SLC35F3: variants seen among roughly 807,000 people sequenced by gnomAD.
SLC35F3 encodes the protein putative thiamine transporter SLC35F3.
In SLC35F3, 25 loss-of-function variants were observed where a neutral mutation model predicts 49.9. That is an observed-to-expected ratio of 0.50 (90% CI 0.37 to 0.70). The LOEUF is 0.70. Ranked by LOEUF, SLC35F3 falls within the 30% of genes least tolerant of loss-of-function variation. The pLI is 0.00. For missense variants in SLC35F3, 525 were observed against 639.8 expected, an observed-to-expected ratio of 0.82 and a Z score of 1.94; for synonymous variants, 275 against 265.4, an observed-to-expected ratio of 1.04 and a Z score of -0.35.
chr1:234,144,123 C>T (rs573450697), intron 2 of SLC35F3, among the ~76,000 whole-genome samples: 10 of 152,240 alleles, frequency 6.6e-5, no homozygotes, highest in Admixed American at 2.0e-4. Flanking sequence ...GATGGCACCA[C>T]GCAGTGTGAA....
chr1:234,317,223 G>A (rs1267965411), intron 5 of SLC35F3, among the ~76,000 whole-genome samples: 2 of 152,152 alleles, frequency 1.3e-5, no homozygotes, highest in Non-Finnish European at 1.5e-5. Context: ...AAAGTACAAC[G>A]GCTGTAATAC....
chr1:233,930,671 G>A (rs1353857761), intron 2 of SLC35F3, among the ~76,000 whole-genome samples: 1 of 152,114 alleles, frequency 6.6e-6, no homozygotes, highest in African/African-American at 2.4e-5. Context: ...GAGTCTTACT[G>A]ATAGCATAAA....
At chr1:234,034,794 A>T (rs532907080) in intron 2 of SLC35F3, among the ~76,000 whole-genome samples, 2 of 152,350 alleles carry the variant, frequency 1.3e-5, no homozygotes, top group Admixed American at 1.3e-4. Flanking sequence ...AAGTGCTGGG[A>T]TTATAGGCAT....
chr1:234,200,666 T>C (rs1490484194), intron 2 of SLC35F3, among the ~76,000 whole-genome samples: 3 of 152,210 alleles, frequency 2.0e-5, no homozygotes, highest in Non-Finnish European at 4.4e-5. Context: ...AAAGGAGTCA[T>C]TTCAAAGACA....
chr1:234,254,169 T>C (rs1667781666), intron 3 of SLC35F3, among the ~76,000 whole-genome samples: 1 of 152,244 alleles, frequency 6.6e-6, no homozygotes, highest in South Asian at 2.1e-4. Context: ...ATTTGGCTTG[T>C]CTGTGGGCTG....
intron 3 of SLC35F3, among the ~76,000 whole-genome samples, chr1:234,235,329 A>G (rs1022585619): frequency 6.6e-6 from 1 of 152,214 alleles, no homozygotes; most frequent in Non-Finnish European, 1.5e-5. Context: ...AGGAAGCAAT[A>G]GTGCCCAGAA....
At chr1:233,967,517 A>C (rs1176128393) in intron 2 of SLC35F3, among the ~76,000 whole-genome samples, 2 of 152,210 alleles carry the variant, frequency 1.3e-5, no homozygotes, top group African/African-American at 2.4e-5. Context: ...TTTGAATGTC[A>C]GTATCTGCAT....
intron 2 of SLC35F3, among the ~76,000 whole-genome samples, chr1:234,012,304 G>C (rs1663734900): frequency 6.6e-6 from 1 of 152,176 alleles, no homozygotes; most frequent in Admixed American, 6.5e-5. Flanking sequence ...TTAGTTCCCA[G>C]GGGCAGGCAG....
At chr1:234,322,688 C>G (rs1429569891) in intron 7 of SLC35F3, among the ~76,000 whole-genome samples, 7 of 129,018 alleles carry the variant, frequency 5.4e-5, no homozygotes, top group Non-Finnish European at 1.2e-4. Context: ...TGTGTGTGTA[C>G]TATCTATCTC....
At chr1:234,107,270 G>A (rs1665297849) in intron 2 of SLC35F3, among the ~76,000 whole-genome samples, 1 of 152,152 alleles carries the variant, frequency 6.6e-6, no homozygotes, top group African/African-American at 2.4e-5. Context: ...TTAATGGGTT[G>A]GAAAAGTATA....
At chr1:234,029,006 T>C (rs1664018581) in intron 2 of SLC35F3, among the ~76,000 whole-genome samples, 1 of 152,242 alleles carries the variant, frequency 6.6e-6, no homozygotes, top group South Asian at 2.1e-4. Context: ...AATGGAAATA[T>C]TGGAAGCATC....
At chr1:234,179,616 A>T (rs1329519132) in intron 2 of SLC35F3, among the ~76,000 whole-genome samples, 1 of 152,196 alleles carries the variant, frequency 6.6e-6, no homozygotes, top group Non-Finnish European at 1.5e-5. Context: ...ATCGTTGTTA[A>T]CTATAGTCAT....
At chr1:234,287,797 C>T (rs974786497) in intron 3 of SLC35F3, among the ~76,000 whole-genome samples, 4 of 152,220 alleles carry the variant, frequency 2.6e-5, no homozygotes, top group Non-Finnish European at 4.4e-5. Context: ...TGGATAGGAT[C>T]ATTCACTTTG....
At chr1:233,948,653 C>T (rs1209533972) in intron 2 of SLC35F3, among the ~76,000 whole-genome samples, 2 of 151,358 alleles carry the variant, frequency 1.3e-5, no homozygotes, top group African/African-American at 2.4e-5. Flanking sequence ...TGCTGGTGTG[C>T]TGCACCCACT....
chr1:234,177,953 C>A (rs547449217), intron 2 of SLC35F3, among the ~76,000 whole-genome samples: 2 of 152,204 alleles, frequency 1.3e-5, no homozygotes, highest in Non-Finnish European at 2.9e-5. Context: ...CACCGCCAAA[C>A]AAGAACATCA....
intron 2 of SLC35F3, among the ~76,000 whole-genome samples, chr1:234,013,819 A>G (rs1663761291): frequency 6.6e-6 from 1 of 151,660 alleles, no homozygotes; most frequent in Non-Finnish European, 1.5e-5. Flanking sequence ...TAACGAGTAA[A>G]GAGACTGAGT....
chr1:234,055,674 C>G (rs1430032009), intron 2 of SLC35F3, among the ~76,000 whole-genome samples: 2 of 152,180 alleles, frequency 1.3e-5, no homozygotes, highest in Non-Finnish European at 2.9e-5. Flanking sequence ...TGACAAGCCC[C>G]AGTGAGATGA....
chr1:233,958,317 T>C (rs1662738665), intron 2 of SLC35F3, among the ~76,000 whole-genome samples: 4 of 152,256 alleles, frequency 2.6e-5, no homozygotes, highest in Admixed American at 2.6e-4. Flanking sequence ...TTGCCACTTT[T>C]TCCCCAGCTA....
chr1:234,230,645 C>A (rs1466253757), intron 2 of SLC35F3, among the ~76,000 whole-genome samples: 5 of 152,232 alleles, frequency 3.3e-5, no homozygotes, highest in Non-Finnish European at 7.3e-5. Context: ...GGGAACAACA[C>A]TGCCGCAGAG....
Sources: gnomAD v4.1 joint callset for allele counts (sites outside exome capture counted in the v4.1 genomes callset) on GRCh38, gnomAD v4.1.1 for gene constraint, MANE v1.5 for transcripts, NCBI Gene and HGNC (gene_info 2026-07-23, HGNC 2026-07-21) for gene names.